The following HORMAD2 variants were observed in gnomAD, a reference collection of about 807,000 sequenced individuals.
HORMAD2 encodes the protein HORMA domain-containing protein 2.
In HORMAD2, 45 loss-of-function variants were observed where a neutral mutation model predicts 38.8. That is an observed-to-expected ratio of 1.16 (90% CI 0.91 to 1.49). The LOEUF is 1.49. HORMAD2 is among the 40% of genes most tolerant of loss of function. The probability of loss-of-function intolerance (pLI) is 0.00; values close to 1 mark genes in which losing one functional copy is unlikely to be tolerated. For synonymous variants in HORMAD2, 126 were observed against 122.8 expected, an observed-to-expected ratio of 1.03 and a Z score of -0.17; for missense variants, 338 against 367.0, an observed-to-expected ratio of 0.92 and a Z score of 0.65.
chr22:30,202,660 G>C, the HORMAD2 span, among the ~76,000 whole-genome samples: 2 of 152,084 alleles, frequency 1.3e-5, no homozygotes, highest in African/African-American at 4.8e-5. Context: ...AACAGTAACT[G>C]CTCGGGCCAG....
At chr22:30,114,310 A>G (rs1921881219) in intron 7 of HORMAD2, among the ~76,000 whole-genome samples, 1 of 152,200 alleles carries the variant, frequency 6.6e-6, no homozygotes, top group Admixed American at 6.5e-5. Context: ...TATTACTAAA[A>G]AATTCAGTAG....
chr22:30,199,567 G>A, the HORMAD2 span, among the ~76,000 whole-genome samples: 1 of 152,134 alleles, frequency 6.6e-6, no homozygotes, highest in Non-Finnish European at 1.5e-5. Context: ...CTGGAAGGAG[G>A]TAACAGACGT....
chr22:30,083,504 T>C (rs965015816), intron 1 of HORMAD2, among the ~76,000 whole-genome samples: 5 of 152,206 alleles, frequency 3.3e-5, no homozygotes, highest in African/African-American at 1.2e-4. Flanking sequence ...ATACCTCCTG[T>C]GAACTTGTGA....
chr22:30,100,664 G>GA (rs1301678635), intron 3 of HORMAD2, among the ~76,000 whole-genome samples: 3 of 152,270 alleles, frequency 2.0e-5, no homozygotes, highest in African/African-American at 7.2e-5. Context: ...CAGAATGGGA[G>GA]AAAATGTTTC....
chr22:30,137,425 T>G (rs1923742330), intron 10 of HORMAD2: 2 of 401,054 alleles, frequency 5.0e-6, no homozygotes, highest in South Asian at 4.2e-5. Flanking sequence ...AGGTCAAGGC[T>G]GCAGTGAGCT....
intron 10 of HORMAD2, among the ~76,000 whole-genome samples, chr22:30,132,639 A>G (rs150240838): frequency 6.3e-4 from 96 of 152,220 alleles, no homozygotes; most frequent in African/African-American, 2.3e-3. Context: ...TTTGTCAAAC[A>G]GAAAATTATT....
chr22:30,187,159 T>C, the HORMAD2 span, among the ~76,000 whole-genome samples: 2 of 152,212 alleles, frequency 1.3e-5, no homozygotes, highest in Non-Finnish European at 2.9e-5. Context: ...AATTAATGCT[T>C]TCTTCATTTA....
At chr22:30,097,624 A>C (rs915954461) in intron 2 of HORMAD2, among the ~76,000 whole-genome samples, 1 of 152,190 alleles carries the variant, frequency 6.6e-6, no homozygotes, top group Non-Finnish European at 1.5e-5. Context: ...AGCAGAGTGC[A>C]TGGGAGAGAA....
At chr22:30,200,460 G>T in the HORMAD2 span, among the ~76,000 whole-genome samples, 4 of 152,090 alleles carry the variant, frequency 2.6e-5, no homozygotes, top group African/African-American at 9.7e-5. Flanking sequence ...ACTGTGAATA[G>T]GATATTGGAA....
intron 1 of HORMAD2, among the ~76,000 whole-genome samples, chr22:30,082,606 C>T (rs573917026): frequency 2.7e-4 from 41 of 151,706 alleles, no homozygotes; most frequent in Middle Eastern, 3.4e-3. Flanking sequence ...CCCCTCCACC[C>T]GCCCGCCCAA....
chr22:30,133,063 A>G (rs1399310001), intron 10 of HORMAD2, among the ~76,000 whole-genome samples: 2 of 152,226 alleles, frequency 1.3e-5, no homozygotes, highest in African/African-American at 4.8e-5. Context: ...TTACACCAAA[A>G]TCAATGAAAT....
At chr22:30,131,159 T>C (rs1923257557) in intron 10 of HORMAD2, among the ~76,000 whole-genome samples, 1 of 152,196 alleles carries the variant, frequency 6.6e-6, no homozygotes, top group African/African-American at 2.4e-5. Flanking sequence ...ATTTATGCTG[T>C]TTAAATGCTA....
chr22:30,128,937 G>A (rs745652398), intron 10 of HORMAD2, among the ~76,000 whole-genome samples: 2 of 152,194 alleles, frequency 1.3e-5, no homozygotes, highest in East Asian at 1.9e-4. Flanking sequence ...TGCCCTGGCC[G>A]GGCGCGGTGG....
intron 10 of HORMAD2, among the ~76,000 whole-genome samples, chr22:30,166,626 G>T (rs1371420077): frequency 6.6e-6 from 1 of 152,162 alleles, no homozygotes; most frequent in African/African-American, 2.4e-5. Flanking sequence ...GCATTGCAGA[G>T]AGGCAAAAGG....
At position 30,124,256 on chromosome 22, in the gene HORMAD2, AAC is replaced by A. The variant is rs10616156; in HGVS notation, c.819+2078_819+2079del. Among the ~76,000 whole-genome samples, 1,331 of 146,486 alleles carry A rather than the reference AAC, an allele frequency of 9.1e-3. 9 individuals are homozygous for A. The highest frequency in any genetic ancestry group is 0.016 in the African/African-American group (635 of 39,360). On this transcript the variant is annotated intron_variant, in intron 10 of 10. Coordinates refer to ENST00000336726, the MANE Select transcript of HORMAD2 (RefSeq NM_152510.4). Reference sequence around the variant, plus strand: ...TTGTTTTCCTTCATGGAATACATGGAACACACACACACACACACACACACACA... The same window carrying A: ...TTGTTTTCCTTCATGGAATACATGGAACACACACACACACACACACACACA...
chr22:30,086,306 G>A (rs1297548427), intron 1 of HORMAD2, among the ~76,000 whole-genome samples: 3 of 152,096 alleles, frequency 2.0e-5, no homozygotes, highest in Admixed American at 2.0e-4. Context: ...AAATTACCCA[G>A]TCTTAGGTAG....
chr22:30,163,511 G>A (rs890155076), intron 10 of HORMAD2, among the ~76,000 whole-genome samples: 1 of 151,956 alleles, frequency 6.6e-6, no homozygotes, highest in African/African-American at 2.4e-5. Flanking sequence ...CTCAACCTCT[G>A]CCTCCTGGGC....
At chr22:30,155,159 A>G (rs1391829397) in intron 10 of HORMAD2, among the ~76,000 whole-genome samples, 1 of 151,826 alleles carries the variant, frequency 6.6e-6, no homozygotes, top group African/African-American at 2.4e-5. Context: ...CAGGTGGCAC[A>G]TGATTTTGAT....
chr22:30,132,563 A>T (rs1430965643), intron 10 of HORMAD2, among the ~76,000 whole-genome samples: 1 of 151,898 alleles, frequency 6.6e-6, no homozygotes, highest in Non-Finnish European at 1.5e-5. Context: ...CAAAACCAAA[A>T]AACCACACAC....
Sources: gnomAD v4.1 joint callset for allele counts (sites outside exome capture counted in the v4.1 genomes callset) on GRCh38, gnomAD v4.1.1 for gene constraint, MANE v1.5 for transcripts, NCBI Gene and HGNC (gene_info 2026-07-23, HGNC 2026-07-21) for gene names.